Variants in TTC33 observed in about 807,000 individuals in gnomAD.
TTC33 encodes tetratricopeptide repeat protein 33.
TTC33 carries 24 observed loss-of-function variants against 29.4 expected under a neutral mutation model. The ratio of observed to expected loss-of-function variants is 0.82; its 90% CI spans 0.59 to 1.15. TTC33 has a LOEUF of 1.15. Ranked by LOEUF, TTC33 falls within the 50% of genes most tolerant of loss-of-function variation. TTC33 has a pLI of 0.00. For synonymous variants in TTC33, 107 were observed against 100.3 expected (o/e 1.07, Z -0.40); for missense variants, 286 against 310.4 (o/e 0.92, Z 0.59).
At chr5:40,719,695 C>A (rs1169236951) in intron 4 of TTC33, among the ~76,000 whole-genome samples, 1 of 152,160 alleles carries the variant, frequency 6.6e-6, no homozygotes, top group Non-Finnish European at 1.5e-5. Flanking sequence ...TTTCTCCACA[C>A]CCTCACCAAC....
chr5:40,746,757 T>C, intron 2 of TTC33, 41 bp downstream of exon 2: 1 of 1,461,958 alleles, frequency 6.8e-7, no homozygotes, highest in Non-Finnish European at 9.3e-7. Context: ...AGCTAGAAAA[T>C]GTAAGCTCTT....
At chr5:40,721,282 C>T (rs1386269368) in intron 4 of TTC33, among the ~76,000 whole-genome samples, 1 of 152,016 alleles carries the variant, frequency 6.6e-6, no homozygotes, top group Non-Finnish European at 1.5e-5. Context: ...GAGCTGGGCA[C>T]AAAGTAAATG....
At chr5:40,727,955 G>A (rs1479159775) in intron 4 of TTC33, among the ~76,000 whole-genome samples, 1 of 151,920 alleles carries the variant, frequency 6.6e-6, no homozygotes, top group Non-Finnish European at 1.5e-5. Context: ...CTTGATAAAC[G>A]GCTATTCACT....
intron 3 of TTC33, 111 bp downstream of exon 3, chr5:40,730,151 G>T: frequency 1.3e-6 from 1 of 782,308 alleles, no homozygotes; most frequent in African/African-American, 1.7e-5. Flanking sequence ...CAAAGAAACC[G>T]TATTTGTAAA....
chr5:40,716,604 T>C (rs964153997), intron 4 of TTC33, 106 bp from the exon 5 acceptor site: 3 of 729,778 alleles, frequency 4.1e-6, no homozygotes, highest in African/African-American at 3.5e-5. Context: ...CACATCCTAA[T>C]GCATTATCTT....
intron 2 of TTC33, 97 bp downstream of exon 2, chr5:40,746,701 C>A: frequency 2.2e-6 from 2 of 923,528 alleles, no homozygotes; most frequent in Middle Eastern, 3.3e-4. Flanking sequence ...GATTTTTAAA[C>A]ATGAATTTAT....
In TTC33 at chr5:40,716,444, A is replaced by G. The variant is rs1742001383; in HGVS notation, c.490T>C (p.Trp164Arg). 3.7e-6 allele frequency: 6 copies of G among 1,613,512 alleles called. No homozygotes were observed. Among genetic ancestry groups the G allele is most frequent in the East Asian group, 4.5e-5 (2 of 44,888 alleles). ...LHIYPMNPEI[W>R]KEDLSWARTL... ...CTTGCCCAAGAGAGGTCTTCTTTCC[A>G]TATTTCAGGGTTCATTGGATAGATG... Residue 164 changes from tryptophan (W) to arginine (R), a missense_variant, in exon 5 of 5, where the codon TGG becomes CGG. Trp to Arg is a moderately radical substitution (Grantham distance 101). Transcript: ENST00000337702.
intron 2 of TTC33, among the ~76,000 whole-genome samples, chr5:40,736,747 A>G (rs539930293): frequency 1.2e-4 from 19 of 152,326 alleles, no homozygotes; most frequent in East Asian, 9.6e-4. Flanking sequence ...CCAAAATTCT[A>G]TAAGATATGT....
At chr5:40,718,608 C>T (rs1393396710) in intron 4 of TTC33, among the ~76,000 whole-genome samples, 1 of 151,904 alleles carries the variant, frequency 6.6e-6, no homozygotes, top group Non-Finnish European at 1.5e-5. Flanking sequence ...GGCATGGTGG[C>T]ACCCTCCACG....
intron 1 of TTC33, among the ~76,000 whole-genome samples, 153 bp downstream of exon 1, chr5:40,755,671 C>T (rs1039211935): frequency 2.6e-5 from 4 of 152,352 alleles, no homozygotes; most frequent in South Asian, 2.1e-4. Flanking sequence ...GTCCTTTCTC[C>T]CCTAATCACA....
intron 4 of TTC33, among the ~76,000 whole-genome samples, chr5:40,724,060 G>T (rs1178640515): frequency 6.6e-6 from 1 of 152,158 alleles, no homozygotes; most frequent in African/African-American, 2.4e-5. Context: ...AGATCTCAAA[G>T]AGATATTAGC....
intron 4 of TTC33, among the ~76,000 whole-genome samples, chr5:40,726,101 C>G (rs1294679199): frequency 1.3e-5 from 2 of 151,214 alleles, no homozygotes; most frequent in Non-Finnish European, 2.9e-5. Flanking sequence ...TTCTTATTCT[C>G]TCATCCTTCC....
chr5:40,717,124 G>A (rs1316868263), intron 4 of TTC33, among the ~76,000 whole-genome samples: 1 of 151,474 alleles, frequency 6.6e-6, no homozygotes, highest in Non-Finnish European at 1.5e-5. Context: ...AGCTACCCAG[G>A]AGGGTGAGGC....
intron 4 of TTC33, among the ~76,000 whole-genome samples, chr5:40,722,530 A>T (rs1217286325): frequency 6.8e-6 from 1 of 148,030 alleles, no homozygotes; most frequent in Non-Finnish European, 1.5e-5. Context: ...CCCGTCTGGA[A>T]TGTGAGGAGC....
chr5:40,722,991 T>A (rs1300134310), intron 4 of TTC33, among the ~76,000 whole-genome samples: 2 of 152,142 alleles, frequency 1.3e-5, no homozygotes, highest in African/African-American at 4.8e-5. Flanking sequence ...TTTTGTCAAA[T>A]AGAAAAGGGG....
chr5:40,749,158 A>G (rs1401236562), intron 1 of TTC33, among the ~76,000 whole-genome samples: 1 of 152,218 alleles, frequency 6.6e-6, no homozygotes, highest in Non-Finnish European at 1.5e-5. Flanking sequence ...TGATATACAA[A>G]TGTAAGAAAT....
rs1741908366 is a variant in TTC33 at position 40,712,063 on chromosome 5, T to G, written c.*4082A>C. ...CGTTAAAATACTTGCATTTTATTAT[T>G]TCTAAGTTATACTCATTTAAGAAAG... On this transcript the variant is annotated 3_prime_UTR_variant, in exon 5 of 5. Coordinates refer to ENST00000337702, the MANE Select transcript of TTC33 (RefSeq NM_012382.3). Among the ~76,000 whole-genome samples, 1 of 152,138 alleles carries G rather than the reference T, an allele frequency of 6.6e-6. No homozygotes were observed. The highest frequency in any genetic ancestry group is 1.5e-5 in the Non-Finnish European group (1 of 68,012).
intron 4 of TTC33, among the ~76,000 whole-genome samples, chr5:40,716,921 T>C (rs1284502187): frequency 1.3e-5 from 2 of 152,204 alleles, no homozygotes; most frequent in Admixed American, 1.3e-4. Flanking sequence ...TACTACATTC[T>C]AGGCACTAAA....
intron 4 of TTC33, among the ~76,000 whole-genome samples, chr5:40,727,069 C>T (rs566765194): frequency 3.0e-4 from 45 of 152,214 alleles, no homozygotes; most frequent in African/African-American, 1.1e-3. Flanking sequence ...TTTTCTCATA[C>T]AAATTCCTTA....
Sources: gnomAD v4.1 joint callset for allele counts (sites outside exome capture counted in the v4.1 genomes callset) on GRCh38, gnomAD v4.1.1 for gene constraint, MANE v1.5 for transcripts, NCBI Gene and HGNC (gene_info 2026-07-23, HGNC 2026-07-21) for gene names.